SRBD1: variants seen among roughly 807,000 people sequenced by gnomAD.
SRBD1 encodes the protein S1 RNA binding domain 1, also known as S1 RNA-binding domain-containing protein 1.
SRBD1 carries 88 observed loss-of-function variants against 115.3 expected under a neutral mutation model. The ratio of observed to expected loss-of-function variants is 0.76; its 90% CI spans 0.64 to 0.91. The LOEUF (loss-of-function observed/expected upper bound fraction) is 0.91. SRBD1 is among the 40% of genes least tolerant of loss of function. The pLI is 0.00. For synonymous variants in SRBD1, 509 were observed against 407.7 expected (o/e 1.25, Z -2.99); for missense variants, 1,385 against 1,177.4 (o/e 1.18, Z -2.58).
chr2:45,540,064 C>G (rs1354912203), intron 14 of SRBD1, among the ~76,000 whole-genome samples: 1 of 152,056 alleles, frequency 6.6e-6, no homozygotes, highest in African/African-American at 2.4e-5. Flanking sequence ...TTGAATGGGC[C>G]AGGCATGGTG....
chr2:45,537,417 C>T, intron 14 of SRBD1, among the ~76,000 whole-genome samples: 1 of 152,290 alleles, frequency 6.6e-6, no homozygotes, highest in South Asian at 2.1e-4. Flanking sequence ...ATGCAAACTT[C>T]AAGAGGGGTA....
intron 16 of SRBD1, among the ~76,000 whole-genome samples, chr2:45,440,502 C>T (rs1018158108): frequency 6.6e-6 from 1 of 152,100 alleles, no homozygotes. Context: ...TGAACTGGAC[C>T]ACACCTATCT....
intron 1 of SRBD1, among the ~76,000 whole-genome samples, chr2:45,605,716 C>G (rs557759613): frequency 1.3e-4 from 20 of 152,040 alleles, no homozygotes; most frequent in African/African-American, 4.6e-4. Flanking sequence ...CCAGCCTGGC[C>G]AACATGGTGA....
intron 14 of SRBD1, among the ~76,000 whole-genome samples, chr2:45,518,818 G>A (rs1030240993): frequency 6.6e-6 from 1 of 151,928 alleles, no homozygotes; most frequent in Admixed American, 6.6e-5. Flanking sequence ...TTTTGTTTAC[G>A]TTAATGAGGC....
Position 45,413,132 on chromosome 2 carries a change from G to A in SRBD1, c.2495C>T (p.Ser832Leu). ...GACTTACCTCATTGCTATGTCATAT[G>A]ATTCTGGATGAATACAAGTTTGGTC... ...PLDQTCIHPE[S>L]YDIAMRFLSS... The change falls in exon 19 of 21, where the codon TCA (serine) becomes TTA (leucine). Residue 832 changes from serine to leucine, a missense_variant. Transcript: ENST00000263736. 1 of 1,613,858 alleles carries A rather than the reference G, an allele frequency of 6.2e-7. No individual in the cohort carries two copies. Among genetic ancestry groups the A allele is most frequent in the Non-Finnish European group, 8.5e-7 (1 of 1,179,904 alleles).
At chr2:45,540,596 T>C (rs866434126) in intron 14 of SRBD1, among the ~76,000 whole-genome samples, 4 of 152,134 alleles carry the variant, frequency 2.6e-5, no homozygotes, top group South Asian at 2.1e-4. Flanking sequence ...AGTCACAGAC[T>C]GGGAAAAAAT....
chr2:45,606,405 C>T (rs113948433), intron 1 of SRBD1, among the ~76,000 whole-genome samples: 2 of 152,098 alleles, frequency 1.3e-5, no homozygotes, highest in Non-Finnish European at 2.9e-5. Context: ...GGTGATCCGC[C>T]CACCTCGGCC....
At chr2:45,574,500 G>C in intron 8 of SRBD1, 127 bp downstream of exon 8, 1 of 749,228 alleles carries the variant, frequency 1.3e-6, no homozygotes, top group Non-Finnish European at 2.1e-6. Flanking sequence ...TTTGAACAAA[G>C]AGTTTTGCTA....
intron 3 of SRBD1, 98 bp downstream of exon 3, chr2:45,601,805 G>A (rs900011962): frequency 6.8e-7 from 1 of 1,480,832 alleles, no homozygotes; most frequent in Admixed American, 2.2e-5. Context: ...GGCAGTTTTT[G>A]TCATTTACAT....
At chr2:45,469,352 A>G (rs1669581412) in intron 16 of SRBD1, among the ~76,000 whole-genome samples, 1 of 152,236 alleles carries the variant, frequency 6.6e-6, no homozygotes, top group Non-Finnish European at 1.5e-5. Flanking sequence ...TAACACGAAA[A>G]CTAGAAGGTG....
At chr2:45,599,039 T>G (rs1673998388) in intron 4 of SRBD1, among the ~76,000 whole-genome samples, 1 of 152,218 alleles carries the variant, frequency 6.6e-6, no homozygotes, top group Non-Finnish European at 1.5e-5. Flanking sequence ...CTTGTTGTAG[T>G]ACATTACAAC....
At chr2:45,455,946 T>G (rs1442016103) in intron 16 of SRBD1, among the ~76,000 whole-genome samples, 2 of 151,768 alleles carry the variant, frequency 1.3e-5, no homozygotes, top group Non-Finnish European at 2.9e-5. Context: ...ATTGCCACCA[T>G]CACTACAGTT....
chr2:45,411,585 C>T (rs938205477), intron 19 of SRBD1, among the ~76,000 whole-genome samples: 2 of 152,028 alleles, frequency 1.3e-5, no homozygotes, highest in South Asian at 2.1e-4. Context: ...TATAAGGGAA[C>T]GTTTTCAGAT....
Position 45,418,347 on chromosome 2 carries a change from G to C in SRBD1, c.2333+18C>G. 6.2e-7 allele frequency: 1 copy of C among 1,609,416 alleles called. No homozygotes were observed. Among genetic ancestry groups the C allele is most frequent in the African/African-American group, 1.3e-5 (1 of 74,672 alleles). On this transcript the variant is annotated intron_variant, in intron 18 of 20. Transcript: ENST00000263736. Reference sequence around the variant, plus strand: ...AGAGGAGGTTGACAATAGAATCAAAGTGTATACTTATACTCACCTGCAAAA... The same window carrying C: ...AGAGGAGGTTGACAATAGAATCAAACTGTATACTTATACTCACCTGCAAAA...
intron 9 of SRBD1, among the ~76,000 whole-genome samples, chr2:45,571,534 A>AC (rs1673015363): frequency 2.0e-5 from 3 of 149,912 alleles, no homozygotes; most frequent in Admixed American, 2.0e-4. Context: ...AAAAAAAAAA[A>AC]AAAAAAAACT....
chr2:45,542,273 T>A (rs901755288), intron 14 of SRBD1, among the ~76,000 whole-genome samples: 2 of 152,218 alleles, frequency 1.3e-5, no homozygotes, highest in African/African-American at 4.8e-5. Context: ...GGCCACAACT[T>A]TGCTCTGTTC....
At chr2:45,610,015 AC>A (rs1558512038) in intron 1 of SRBD1, among the ~76,000 whole-genome samples, 1 of 152,076 alleles carries the variant, frequency 6.6e-6, no homozygotes. Flanking sequence ...ATTTTCCACC[AC>A]TCTTAGGCAA....
rs1356932706 is a variant in SRBD1 at position 45,557,760 on chromosome 2, A to C, written c.1410-4030T>G. Among the ~76,000 whole-genome samples the C allele has an allele frequency of 2.6e-5, 4 of 152,234 alleles. No individual in the cohort carries two copies. In the East Asian group the frequency reaches 5.8e-4, roughly 22 times the overall value. ...ACAAACCCTGTTGCTTAAATCTTTA[A>C]ACTTAAAGAAAATATGATGGGTTTG... On this transcript the variant is annotated intron_variant, in intron 10 of 20. Transcript: ENST00000263736.
intron 1 of SRBD1, among the ~76,000 whole-genome samples, chr2:45,608,567 C>T (rs531820048): frequency 7.2e-5 from 11 of 152,284 alleles, no homozygotes; most frequent in Admixed American, 5.9e-4. Context: ...TCCATCTCCA[C>T]GGTTTTACAT....
Sources: gnomAD v4.1 joint callset for allele counts (sites outside exome capture counted in the v4.1 genomes callset) on GRCh38, gnomAD v4.1.1 for gene constraint, MANE v1.5 for transcripts, NCBI Gene and HGNC (gene_info 2026-07-23, HGNC 2026-07-21) for gene names.